CADPS2: variants seen among roughly 807,000 people sequenced by gnomAD.
CADPS2 encodes calcium-dependent secretion activator 2.
In CADPS2, 93 loss-of-function variants were observed where a neutral mutation model predicts 172.5. That is an observed-to-expected ratio of 0.54 (90% confidence interval 0.46 to 0.64). CADPS2 has a LOEUF of 0.64. Among genes scored for constraint, CADPS2 ranks in the 30% least tolerant of loss-of-function variants. The pLI is 0.00. For missense variants in CADPS2, 1,420 were observed against 1,565.9 expected (o/e 0.91, Z 1.57); for synonymous variants, 546 against 555.2 (o/e 0.98, Z 0.23).
At chr7:122,879,905 T>C (rs1822409185) in intron 1 of CADPS2, among the ~76,000 whole-genome samples, 1 of 152,254 alleles carries the variant, frequency 6.6e-6, no homozygotes, top group Non-Finnish European at 1.5e-5. Context: ...TTTTCCTTAC[T>C]GTCCACCTAA....
chr7:122,438,121 C>T (rs2050880147), intron 17 of CADPS2, among the ~76,000 whole-genome samples: 1 of 152,048 alleles, frequency 6.6e-6, no homozygotes, highest in Non-Finnish European at 1.5e-5. Context: ...ACAACTTAAG[C>T]ACGAATCCTG....
chr7:122,447,579 A>G (rs1476970884), intron 15 of CADPS2, among the ~76,000 whole-genome samples: 2 of 94,174 alleles, frequency 2.1e-5, no homozygotes, highest in Non-Finnish European at 4.2e-5. Flanking sequence ...TTTGAGACAC[A>G]GTGTCACTCC....
chr7:122,589,586 A>G (rs1243319773), intron 6 of CADPS2, among the ~76,000 whole-genome samples: 1 of 151,938 alleles, frequency 6.6e-6, no homozygotes, highest in Non-Finnish European at 1.5e-5. Flanking sequence ...AAAAATGACG[A>G]AGATAAGTAA....
rs769369902 is a variant in CADPS2, at chr7:122,490,281, C to T, written c.1652G>A (p.Gly551Asp). The T allele has an allele frequency of 6.8e-6, 11 of 1,611,978 alleles. No individual in the cohort carries two copies. The highest frequency in any genetic ancestry group is 2.5e-6 in the Non-Finnish European group (3 of 1,179,004). ...AAAGAACATACAACCACCCTGAAGG[C>T]CTGTGGAGGAAACAAAAAGACATCA... ...YTVDYTDPHP[G>D]LQGGCMFFNA... The change falls in exon 11 of 30, where the codon GGC becomes GAC. Residue 551 changes from glycine to aspartate, a missense_variant and splice_region_variant. Coordinates refer to ENST00000449022, the MANE Select transcript of CADPS2 (RefSeq NM_017954.11).
intron 1 of CADPS2, among the ~76,000 whole-genome samples, chr7:122,850,972 T>A (rs1203842828): frequency 1.3e-5 from 2 of 152,210 alleles, no homozygotes; most frequent in Non-Finnish European, 2.9e-5. Context: ...TGGCCAAGTA[T>A]CTCTCTACTC....
intron 1 of CADPS2, among the ~76,000 whole-genome samples, chr7:122,794,497 T>C (rs1444673085): frequency 6.6e-6 from 1 of 152,076 alleles, no homozygotes; most frequent in Non-Finnish European, 1.5e-5. Flanking sequence ...TCTATCAGAC[T>C]TCAACTCCCA....
At chr7:122,528,883 G>C (rs1273393633) in intron 8 of CADPS2, among the ~76,000 whole-genome samples, 2 of 151,974 alleles carry the variant, frequency 1.3e-5, no homozygotes, top group Non-Finnish European at 2.9e-5. Context: ...TGACAAGTTT[G>C]ATATGTCCAA....
At chr7:122,412,246 C>G (rs766410816) in intron 19 of CADPS2, among the ~76,000 whole-genome samples, 1 of 152,138 alleles carries the variant, frequency 6.6e-6, no homozygotes, top group Non-Finnish European at 1.5e-5. Flanking sequence ...TAATTGAGGT[C>G]ATTTCAACTG....
intron 12 of CADPS2, among the ~76,000 whole-genome samples, chr7:122,475,360 A>G (rs910456330): frequency 5.3e-5 from 8 of 152,186 alleles, no homozygotes; most frequent in African/African-American, 1.9e-4. Flanking sequence ...ATCAGTTATC[A>G]AGATAAAAGT....
At chr7:122,860,470 A>T (rs1816652981) in intron 1 of CADPS2, among the ~76,000 whole-genome samples, 1 of 152,070 alleles carries the variant, frequency 6.6e-6, no homozygotes, top group Non-Finnish European at 1.5e-5. Context: ...CCTGGCCTCA[A>T]GCAATTCTCC....
intron 9 of CADPS2, among the ~76,000 whole-genome samples, chr7:122,509,521 C>T (rs756138274): frequency 2.2e-4 from 34 of 152,168 alleles, no homozygotes; most frequent in Non-Finnish European, 2.9e-4. Flanking sequence ...GAGCACAGGA[C>T]TCAAATTATA....
intron 6 of CADPS2, among the ~76,000 whole-genome samples, chr7:122,591,184 C>A (rs2070742898): frequency 6.6e-6 from 1 of 152,058 alleles, no homozygotes; most frequent in African/African-American, 2.4e-5. Context: ...CATTCCTATA[C>A]ACCAATAACA....
chr7:122,581,791 T>A (rs943723852), intron 6 of CADPS2, among the ~76,000 whole-genome samples: 1 of 152,124 alleles, frequency 6.6e-6, no homozygotes, highest in African/African-American at 2.4e-5. Context: ...ATATGACTTT[T>A]GAAGCTCCTG....
intron 25 of CADPS2, among the ~76,000 whole-genome samples, chr7:122,377,852 A>C: frequency 6.6e-6 from 1 of 152,082 alleles, no homozygotes; most frequent in East Asian, 1.9e-4. Flanking sequence ...TAAGCTGGTG[A>C]GGTGGTGTGA....
chr7:122,509,217 C>T (rs2059842739), intron 9 of CADPS2, among the ~76,000 whole-genome samples: 1 of 152,114 alleles, frequency 6.6e-6, no homozygotes, highest in African/African-American at 2.4e-5. Context: ...ATAGGATGGG[C>T]AGCCACTTCT....
At chr7:122,501,577 T>C (rs186905127) in intron 9 of CADPS2, among the ~76,000 whole-genome samples, 155 of 151,848 alleles carry the variant, frequency 1.0e-3, no homozygotes, top group African/African-American at 3.6e-3. Flanking sequence ...TGGCCAGGCA[T>C]GGTGGTACAT....
Position 122,393,508 on chromosome 7 carries a change from G to C in CADPS2, c.2821C>G (p.Leu941Val), listed in dbSNP as rs1406989474. 1 of 1,613,886 alleles carries C rather than the reference G, an allele frequency of 6.2e-7. No homozygotes were observed. Among genetic ancestry groups the C allele is most frequent in the Non-Finnish European group, 8.5e-7 (1 of 1,179,830 alleles). ...GACTGGGCGATGGAAGACTCCATGA[G>C]ATCCACATAGCGGACAACCAAGGGT... ...FVPLVVRYVD[L>V]MESSIAQSIH... is the part of the protein sequence containing the mutation. The change falls in exon 21 of 30, where the codon CTC becomes GTC. Residue 941 changes from leucine (L) to valine (V), a missense_variant. Transcript: ENST00000449022.
At chr7:122,476,811 A>G (rs2152219035) in intron 12 of CADPS2, among the ~76,000 whole-genome samples, 1 of 152,264 alleles carries the variant, frequency 6.6e-6, no homozygotes, top group African/African-American at 2.4e-5. Flanking sequence ...GGCTGTGAAG[A>G]CCAAACATTT....
chr7:122,816,349 G>T (rs963261542), intron 1 of CADPS2, among the ~76,000 whole-genome samples: 1 of 152,058 alleles, frequency 6.6e-6, no homozygotes, highest in African/African-American at 2.4e-5. Flanking sequence ...AGTGCCATCT[G>T]GGTTGTTGCA....
Sources: allele counts gnomAD v4.1 joint callset (sites outside exome capture counted in the v4.1 genomes callset), GRCh38; gene constraint gnomAD v4.1.1; transcripts MANE v1.5; gene names NCBI Gene and HGNC (gene_info 2026-07-23, HGNC 2026-07-21).